SUMF1: variants seen among roughly 807,000 people sequenced by gnomAD.
The protein encoded by SUMF1 is sulfatase modifying factor 1.
Under a neutral mutation model 47.6 loss-of-function variants are expected in SUMF1, and 48 were observed. The ratio of observed to expected loss-of-function variants is 1.01; its 90% CI spans 0.80 to 1.28. The LOEUF is 1.28. SUMF1 is among the 50% of genes most tolerant of loss of function. The pLI is 0.00. For missense variants in SUMF1, 571 were observed against 485.4 expected, an observed-to-expected ratio of 1.18 and a Z score of -1.66; for synonymous variants, 230 against 192.1, an observed-to-expected ratio of 1.20 and a Z score of -1.63.
chr3:4,232,639 A>G (rs1458502411), intron 8 of SUMF1, among the ~76,000 whole-genome samples: 5 of 152,134 alleles, frequency 3.3e-5, no homozygotes, highest in Non-Finnish European at 7.4e-5. Flanking sequence ...TATAACCAAC[A>G]GAGTTGTATC....
chr3:4,208,236 C>T (rs78705636), intron 8 of SUMF1, among the ~76,000 whole-genome samples: 2,919 of 152,172 alleles, frequency 0.019, 49 homozygotes, highest in Middle Eastern at 0.031. Context: ...CTCCAGCCCC[C>T]TCTAGCCATC....
intron 3 of SUMF1, among the ~76,000 whole-genome samples, chr3:4,423,224 A>T (rs1701960440): frequency 6.6e-6 from 1 of 152,042 alleles, no homozygotes; most frequent in African/African-American, 2.4e-5. Flanking sequence ...CAATTGCAAA[A>T]ATGTGGAACC....
intron 8 of SUMF1, among the ~76,000 whole-genome samples, chr3:4,095,639 C>A (rs1034590675): frequency 2.6e-5 from 4 of 152,060 alleles, no homozygotes; most frequent in South Asian, 2.1e-4. Flanking sequence ...GTTACACCAA[C>A]TACCATAAGC....
intron 8 of SUMF1, among the ~76,000 whole-genome samples, chr3:4,259,006 C>G (rs531996348): frequency 2.3e-4 from 34 of 148,964 alleles, no homozygotes; most frequent in East Asian, 1.8e-3. Context: ...AGTAAACTAT[C>G]GCAAGAACAA....
intron 8 of SUMF1, among the ~76,000 whole-genome samples, chr3:4,261,226 G>A (rs1229870591): frequency 6.6e-6 from 1 of 152,088 alleles, no homozygotes; most frequent in Non-Finnish European, 1.5e-5. Context: ...TTTTTCATAA[G>A]GGCAGAATAA....
intron 9 of SUMF1, among the ~76,000 whole-genome samples, chr3:4,040,708 T>C (rs1694893045): frequency 6.6e-6 from 1 of 152,208 alleles, no homozygotes; most frequent in African/African-American, 2.4e-5. Flanking sequence ...AATCTGGTTT[T>C]AGTAGACAGT....
chr3:4,077,712 G>A (rs957100275), intron 8 of SUMF1, among the ~76,000 whole-genome samples: 2 of 151,934 alleles, frequency 1.3e-5, no homozygotes, highest in African/African-American at 4.8e-5. Context: ...TGTAAATGTC[G>A]AGTTCATGGG....
intron 8 of SUMF1, among the ~76,000 whole-genome samples, chr3:4,123,923 TGA>T (rs1240863117): frequency 6.6e-6 from 1 of 152,144 alleles, no homozygotes; most frequent in Non-Finnish European, 1.5e-5. Flanking sequence ...CTGATCCGTG[TGA>T]GTGTTTATGT....
At chr3:4,235,712 T>C (rs1408048117) in intron 8 of SUMF1, among the ~76,000 whole-genome samples, 3 of 152,076 alleles carry the variant, frequency 2.0e-5, no homozygotes, top group African/African-American at 2.4e-5. Context: ...ATATTTCTTA[T>C]GGCAGTGGAA....
intron 7 of SUMF1, among the ~76,000 whole-genome samples, chr3:4,406,413 C>T (rs951571446): frequency 3.3e-5 from 5 of 152,014 alleles, no homozygotes; most frequent in Non-Finnish European, 4.4e-5. Context: ...CCCAGCACTT[C>T]GGGAGGCGGA....
At chr3:4,165,235 G>A (rs1212244140) in intron 8 of SUMF1, among the ~76,000 whole-genome samples, 1 of 152,176 alleles carries the variant, frequency 6.6e-6, no homozygotes, top group Non-Finnish European at 1.5e-5. Flanking sequence ...GTCTCTCCAA[G>A]TGAAGTCGAA....
downstream of SUMF1, among the ~76,000 whole-genome samples, chr3:4,358,762 A>T (rs1699677969): frequency 6.6e-6 from 1 of 152,214 alleles, no homozygotes. Flanking sequence ...TGCCCACCTT[A>T]AAGTCGACTG....
rs369262447 is a variant in SUMF1 at position 4,066,654 on chromosome 3, AC to A, written c.1191+1914del. 1.1e-3 allele frequency among the ~76,000 whole-genome samples: 172 copies of A among 151,610 alleles called. 4 individuals carry two copies. The highest frequency in any genetic ancestry group is 4.1e-3 in the African/African-American group (168 of 41,282). On this transcript the variant is annotated intron_variant and NMD_transcript_variant, in intron 9 of 12. Coordinates refer to the SUMF1 transcript ENST00000448413. Reference sequence around the variant, plus strand: ...TTCTAAATTCCTTCCTGCTATATACACCCCCAACCCCATTTTAGCTGGTTAG... The same window carrying A: ...TTCTAAATTCCTTCCTGCTATATACACCCCAACCCCATTTTAGCTGGTTAG...
At chr3:4,404,388 C>T (rs901919408) in intron 7 of SUMF1, among the ~76,000 whole-genome samples, 1 of 152,138 alleles carries the variant, frequency 6.6e-6, no homozygotes, top group African/African-American at 2.4e-5. Flanking sequence ...CACTTTCGTG[C>T]TTTTTTTCAT....
intron 8 of SUMF1, among the ~76,000 whole-genome samples, chr3:4,069,321 G>A (rs1453464155): frequency 1.3e-5 from 2 of 152,188 alleles, no homozygotes; most frequent in South Asian, 2.1e-4. Context: ...GTCCCACTTC[G>A]AGGTCATGTG....
At chr3:4,375,765 G>A (rs531683951) in intron 8 of SUMF1, among the ~76,000 whole-genome samples, 1 of 152,066 alleles carries the variant, frequency 6.6e-6, no homozygotes, top group African/African-American at 2.4e-5. Flanking sequence ...CCTTATAAAG[G>A]TTATTTAGGA....
At chr3:4,441,102 C>T (rs980827108) in intron 3 of SUMF1, among the ~76,000 whole-genome samples, 5 of 152,084 alleles carry the variant, frequency 3.3e-5, no homozygotes, top group Admixed American at 6.6e-5. Context: ...GAGTGGCAGG[C>T]GAGCAAGCAA....
chr3:4,134,021 A>G (rs988072695), intron 8 of SUMF1, among the ~76,000 whole-genome samples: 2 of 152,072 alleles, frequency 1.3e-5, no homozygotes, highest in Non-Finnish European at 2.9e-5. Flanking sequence ...TAATAATGGG[A>G]GACTTTAACA....
At chr3:4,251,224 G>C (rs950050335) in intron 8 of SUMF1, among the ~76,000 whole-genome samples, 27 of 152,296 alleles carry the variant, frequency 1.8e-4, no homozygotes, top group African/African-American at 6.5e-4. Flanking sequence ...GACTTCAGTG[G>C]AGGAAGTAAC....
Sources: gnomAD v4.1 joint callset for allele counts (sites outside exome capture counted in the v4.1 genomes callset) on GRCh38, gnomAD v4.1.1 for gene constraint, MANE v1.5 for transcripts, NCBI Gene and HGNC (gene_info 2026-07-23, HGNC 2026-07-21) for gene names.